Variants in CLINT1 observed in about 807,000 individuals in gnomAD.
The protein encoded by CLINT1 is clathrin interacting protein localized in the trans-Golgi region.
In CLINT1, 15 loss-of-function variants were observed where a neutral mutation model predicts 70.4. The ratio of observed to expected loss-of-function variants is 0.21; its 90% CI spans 0.14 to 0.33. The LOEUF is 0.33. Ranked by LOEUF, CLINT1 falls within the 10% of genes least tolerant of loss-of-function variation. The pLI, the probability that CLINT1 is intolerant of heterozygous loss-of-function variation, is 1.00. For missense variants in CLINT1, 615 were observed against 778.1 expected (o/e 0.79, Z 2.49); for synonymous variants, 227 against 254.7 (o/e 0.89, Z 1.04).
At position 157,859,097 on chromosome 5, in the gene CLINT1, CTCCT is replaced by C; in HGVS notation, c.-131_-128del. ...CGCCGCCTCGAACTCCCCCAGTCAG[CTCCT>C]TCCTTTGCCACAGCAGCGGCGCCGC... On this transcript the variant is annotated 5_prime_UTR_variant, in exon 1 of 12. Transcript: ENST00000411809. 2.0e-6 allele frequency: 2 copies of C among 999,756 alleles called. No homozygotes were observed. The highest frequency in any genetic ancestry group is 2.9e-6 in the Non-Finnish European group (2 of 694,278). The allele number at this position is 999,756 out of a possible 1,614,324, so 61.9% of individuals were successfully genotyped here.
chr5:157,806,369 T>C (rs1762384150), intron 6 of CLINT1, among the ~76,000 whole-genome samples: 1 of 151,566 alleles, frequency 6.6e-6, no homozygotes, highest in Non-Finnish European at 1.5e-5. Flanking sequence ...CATAAATGTG[T>C]ATAAATAAAA....
rs1581531748 is a variant in CLINT1, at chr5:157,837,922, A to G, written c.42-20375T>C. Among the ~76,000 whole-genome samples, 4 of 151,784 alleles carry G rather than the reference A, an allele frequency of 2.6e-5. No individual in the cohort carries two copies. In the South Asian group the frequency reaches 6.2e-4, roughly 24 times the overall value. ...CTCCCAAAGTACTGGGATTATAGGC[A>G]CCCTGTAATCCCAGCCATCGCACAA... On this transcript the variant is annotated intron_variant, in intron 1 of 11. Coordinates refer to ENST00000411809, the MANE Select transcript of CLINT1 (RefSeq NM_014666.4).
intron 8 of CLINT1, among the ~76,000 whole-genome samples, chr5:157,797,269 A>G (rs1391849670): frequency 6.6e-6 from 1 of 152,274 alleles, no homozygotes; most frequent in African/African-American, 2.4e-5. Flanking sequence ...ATCAATTAAT[A>G]TAACATTAAG....
chr5:157,843,842 G>A (rs1046534204), intron 1 of CLINT1, among the ~76,000 whole-genome samples: 1 of 152,204 alleles, frequency 6.6e-6, no homozygotes, highest in Non-Finnish European at 1.5e-5. Context: ...GGCACAATAT[G>A]TGAAAATTAC....
At chr5:157,848,896 A>G (rs1753476970) in intron 1 of CLINT1, among the ~76,000 whole-genome samples, 1 of 152,054 alleles carries the variant, frequency 6.6e-6, no homozygotes, top group African/African-American at 2.4e-5. Flanking sequence ...TCCTAACTTC[A>G]AGTGATCTAC....
intron 1 of CLINT1, among the ~76,000 whole-genome samples, chr5:157,842,210 A>G (rs995066220): frequency 3.3e-5 from 5 of 152,204 alleles, no homozygotes; most frequent in Admixed American, 3.3e-4. Context: ...AAGTTATGCA[A>G]ATTTTATTCT....
At chr5:157,811,696 G>C (rs781012235) in intron 5 of CLINT1, among the ~76,000 whole-genome samples, 1 of 152,152 alleles carries the variant, frequency 6.6e-6, no homozygotes, top group Non-Finnish European at 1.5e-5. Flanking sequence ...TTAGTGCATT[G>C]TGACTGAGTT....
intron 1 of CLINT1, among the ~76,000 whole-genome samples, chr5:157,822,434 G>A (rs931804059): frequency 8.6e-5 from 13 of 152,036 alleles, no homozygotes; most frequent in African/African-American, 2.4e-4. Context: ...TTCACCTCCC[G>A]CCATGATTCT....
chr5:157,811,529 CAAAA>C (rs202176248), intron 5 of CLINT1, among the ~76,000 whole-genome samples: 2 of 95,010 alleles, frequency 2.1e-5, no homozygotes, highest in African/African-American at 7.7e-5. Flanking sequence ...CAAGAATCCT[CAAAA>C]AAAAAAAAAA....
At chr5:157,816,859 T>C in intron 2 of CLINT1, 29 bp from the exon 3 acceptor site, 1 of 1,494,106 alleles carries the variant, frequency 6.7e-7, no homozygotes, top group South Asian at 1.2e-5. Context: ...TTTAAGAGTC[T>C]GCAATATATT....
chr5:157,827,761 C>T (rs1763085518), intron 1 of CLINT1, among the ~76,000 whole-genome samples: 1 of 152,144 alleles, frequency 6.6e-6, no homozygotes, highest in African/African-American at 2.4e-5. Context: ...AGATTTTGCC[C>T]ATTTTCAGAT....
chr5:157,792,546 T>TAA (rs929167338), intron 9 of CLINT1, among the ~76,000 whole-genome samples: 3 of 151,002 alleles, frequency 2.0e-5, no homozygotes, highest in Admixed American at 2.0e-4. Flanking sequence ...AGACTCCGTC[T>TAA]AAAAAAAAAT....
chr5:157,842,105 T>G (rs1753209288), intron 1 of CLINT1, among the ~76,000 whole-genome samples: 1 of 152,204 alleles, frequency 6.6e-6, no homozygotes, highest in Admixed American at 6.5e-5. Flanking sequence ...AAAGGAAATT[T>G]TACTAGAGTT....
At position 157,791,690 on chromosome 5, in the gene CLINT1, C is replaced by T. The variant is rs1200401278; in HGVS notation, c.1380+13G>A. The T allele has an allele frequency of 6.3e-7, 1 of 1,595,170 alleles. No homozygotes were observed. Among genetic ancestry groups the T allele is most frequent in the South Asian group, 1.1e-5 (1 of 88,324 alleles). On this transcript the variant is annotated intron_variant, in intron 10 of 11. Coordinates refer to ENST00000411809, the MANE Select transcript of CLINT1 (RefSeq NM_014666.4). ...TTATAAATAACAAATTCCAAGGGAA[C>T]CAGACAACTTACCTGTGATCTTGAC...
chr5:157,790,612 T>C, intron 10 of CLINT1: 1 of 455,576 alleles, frequency 2.2e-6, no homozygotes, highest in Admixed American at 2.4e-5. Flanking sequence ...TTCTGCTTCT[T>C]TCTTCTTTTC....
intron 1 of CLINT1, among the ~76,000 whole-genome samples, chr5:157,858,413 A>C (rs1753823492): frequency 6.6e-6 from 1 of 152,224 alleles, no homozygotes; most frequent in African/African-American, 2.4e-5. Flanking sequence ...CACCCACTCC[A>C]ACACTTCAGG....
At chr5:157,788,275 T>C (rs1293319240) in intron 11 of CLINT1, among the ~76,000 whole-genome samples, 1 of 152,188 alleles carries the variant, frequency 6.6e-6, no homozygotes, top group East Asian at 1.9e-4. Flanking sequence ...TGTTAAATCC[T>C]ACTTAACAAG....
chr5:157,814,919 G>A (rs984459375), intron 3 of CLINT1, among the ~76,000 whole-genome samples: 1 of 151,636 alleles, frequency 6.6e-6, no homozygotes, highest in South Asian at 2.1e-4. Flanking sequence ...TGTAATCTCA[G>A]CTACTGAGGT....
At position 157,816,724 on chromosome 5, in the gene CLINT1, G is replaced by A. The variant is rs1762733400; in HGVS notation, c.243+10C>T. The A allele has an allele frequency of 1.3e-6, 2 of 1,584,298 alleles. No homozygotes were observed. Among genetic ancestry groups the A allele is most frequent in the African/African-American group, 1.3e-5 (1 of 74,078 alleles). On this transcript the variant is annotated intron_variant, in intron 3 of 11. Coordinates refer to ENST00000411809, the MANE Select transcript of CLINT1 (RefSeq NM_014666.4). ...CATGTCAAGTAATTAAAGCAGACTTGTGTCCATACCTTATAAACTCTTCTC... is the reference window on the plus strand; with the variant it reads ...CATGTCAAGTAATTAAAGCAGACTTATGTCCATACCTTATAAACTCTTCTC...
Sources: allele counts gnomAD v4.1 joint callset (sites outside exome capture counted in the v4.1 genomes callset), GRCh38; gene constraint gnomAD v4.1.1; transcripts MANE v1.5; gene names NCBI Gene and HGNC (gene_info 2026-07-23, HGNC 2026-07-21).